Variants in TOPAZ1 observed in about 807,000 individuals in gnomAD.
TOPAZ1 encodes protein TOPAZ1.
Under a neutral mutation model 172.2 loss-of-function variants are expected in TOPAZ1, and 66 were observed. The ratio of observed to expected loss-of-function variants is 0.38; its 90% CI spans 0.31 to 0.47. The LOEUF (loss-of-function observed/expected upper bound fraction) is 0.47, where lower values mean the gene tolerates loss of function less well. Among genes scored for constraint, TOPAZ1 ranks in the 20% least tolerant of loss-of-function variants. The pLI, the probability that TOPAZ1 is intolerant of heterozygous loss-of-function variation, is 0.99. For synonymous variants in TOPAZ1, 681 were observed against 683.9 expected (o/e 1.00, Z 0.07); for missense variants, 1,822 against 1,972.4 (o/e 0.92, Z 1.44).
chr3:44,329,559 A>AT (rs1289224343), intron 19 of TOPAZ1, among the ~76,000 whole-genome samples: 1 of 152,182 alleles, frequency 6.6e-6, no homozygotes, highest in African/African-American at 2.4e-5. Context: ...AGAGTCTGAG[A>AT]TTTTACCCTA....
chr3:44,255,662 A>AAT (rs1553645451), intron 3 of TOPAZ1, among the ~76,000 whole-genome samples: 39 of 80,006 alleles, frequency 4.9e-4, no homozygotes, highest in African/African-American at 1.2e-3. Flanking sequence ...AAAAAAAAAA[A>AAT]ATATATATAC....
chr3:44,315,955 C>T (rs1314178840), intron 16 of TOPAZ1, among the ~76,000 whole-genome samples: 4 of 151,962 alleles, frequency 2.6e-5, no homozygotes, highest in African/African-American at 9.7e-5. Context: ...ACATTTAAGG[C>T]CAGGCACAGT....
chr3:44,269,851 C>T (rs559897162), intron 7 of TOPAZ1, among the ~76,000 whole-genome samples: 23 of 152,196 alleles, frequency 1.5e-4, no homozygotes, highest in African/African-American at 4.3e-4. Flanking sequence ...AGGCTGGTCT[C>T]GAACTCCTGA....
intron 9 of TOPAZ1, among the ~76,000 whole-genome samples, 187 bp from the exon 10 acceptor site, chr3:44,287,202 A>G (rs1040383978): frequency 2.6e-5 from 4 of 152,178 alleles, no homozygotes; most frequent in African/African-American, 4.8e-5. Context: ...GTTGACTTCA[A>G]ATATTATTGC....
intron 4 of TOPAZ1, 120 bp from the exon 5 acceptor site, chr3:44,262,299 G>A (rs896743948): frequency 2.5e-6 from 1 of 403,480 alleles, no homozygotes; most frequent in Non-Finnish European, 4.5e-6. Flanking sequence ...TTAGGGATTG[G>A]CCATAAACTA....
Position 44,243,906 on chromosome 3 carries a change from C to CA in TOPAZ1, c.1401dup (p.Arg468ThrfsTer9). On this transcript the variant is annotated frameshift_variant, in exon 2 of 20. Coordinates refer to ENST00000309765, the MANE Select transcript of TOPAZ1 (RefSeq NM_001145030.2). LOFTEE classifies it high-confidence loss of function. Reference sequence around the variant, plus strand: ...GAGTACCATATTGAAAGGAGATCTTCACGGGAAGACTTAAGAAGTGCATCT... The same window carrying CA: ...GAGTACCATATTGAAAGGAGATCTTCAACGGGAAGACTTAAGAAGTGCATCT... 1.3e-6 allele frequency: 2 copies of CA among 1,552,222 alleles called. No homozygotes were observed. The highest frequency in any genetic ancestry group is 1.7e-6 in the Non-Finnish European group (2 of 1,147,072).
At chr3:44,305,752 T>C (rs1285786432) in intron 14 of TOPAZ1, among the ~76,000 whole-genome samples, 1 of 152,080 alleles carries the variant, frequency 6.6e-6, no homozygotes, top group Non-Finnish European at 1.5e-5. Flanking sequence ...ATTTTCCATG[T>C]TGTGGATAAA....
chr3:44,299,217 A>G (rs1399291975), intron 12 of TOPAZ1, among the ~76,000 whole-genome samples: 1 of 151,856 alleles, frequency 6.6e-6, no homozygotes, highest in Admixed American at 6.6e-5. Flanking sequence ...CACCGTGCCC[A>G]GCTGAGAATA....
chr3:44,253,343 G>T (rs1028751491), intron 2 of TOPAZ1, among the ~76,000 whole-genome samples: 3 of 152,202 alleles, frequency 2.0e-5, no homozygotes, highest in Non-Finnish European at 2.9e-5. Context: ...AATCATTATA[G>T]CTCTGGTGTG....
At chr3:44,265,622 T>C (rs913409214) in intron 5 of TOPAZ1, among the ~76,000 whole-genome samples, 1 of 152,212 alleles carries the variant, frequency 6.6e-6, no homozygotes, top group Admixed American at 6.5e-5. Flanking sequence ...AGTTCTTGGG[T>C]GACAAGATAC....
chr3:44,291,650 T>G (rs1179939973), intron 12 of TOPAZ1, among the ~76,000 whole-genome samples: 1 of 143,798 alleles, frequency 7.0e-6, no homozygotes, highest in African/African-American at 2.6e-5. Context: ...ATTATACAAG[T>G]GGTACCATAA....
intron 8 of TOPAZ1, 30 bp from the exon 9 acceptor site, chr3:44,281,938 G>T (rs1355062498): frequency 1.4e-6 from 2 of 1,383,404 alleles, no homozygotes; most frequent in Admixed American, 2.1e-5. Flanking sequence ...TTTAAAAAAG[G>T]TAGTTTTACA....
intron 16 of TOPAZ1, among the ~76,000 whole-genome samples, chr3:44,316,803 T>A (rs1369995871): frequency 6.6e-6 from 1 of 152,210 alleles, no homozygotes; most frequent in Non-Finnish European, 1.5e-5. Flanking sequence ...CCCCAAAATG[T>A]TTTCCCATTT....
At chr3:44,297,817 A>G (rs539491160) in intron 12 of TOPAZ1, among the ~76,000 whole-genome samples, 14 of 152,288 alleles carry the variant, frequency 9.2e-5, no homozygotes, top group Admixed American at 4.6e-4. Flanking sequence ...CAACACAAAA[A>G]TCAACCATAT....
intron 3 of TOPAZ1, 25 bp downstream of exon 3, chr3:44,255,054 T>C (rs750098877): frequency 6.5e-7 from 1 of 1,528,318 alleles, no homozygotes; most frequent in Non-Finnish European, 8.9e-7. Flanking sequence ...TTTCAGAATA[T>C]GCAATATTGA....
intron 3 of TOPAZ1, among the ~76,000 whole-genome samples, 162 bp downstream of exon 3, chr3:44,255,191 T>A (rs2125679879): frequency 6.6e-6 from 1 of 152,328 alleles, no homozygotes; most frequent in Middle Eastern, 3.4e-3. Context: ...AATTGACTGG[T>A]TGGAAGATCA....
At chr3:44,290,984 A>G in intron 12 of TOPAZ1, 98 bp downstream of exon 12, 4 of 722,996 alleles carry the variant, frequency 5.5e-6, no homozygotes, top group Non-Finnish European at 8.9e-6. Flanking sequence ...TGTATGCCCA[A>G]ACATTTAGAT....
chr3:44,307,109 G>A (rs1004273442), intron 15 of TOPAZ1, among the ~76,000 whole-genome samples: 10 of 152,014 alleles, frequency 6.6e-5, no homozygotes, highest in East Asian at 1.9e-4. Flanking sequence ...CACAGCCTCC[G>A]CCTCCCAGGT....
chr3:44,298,909 A>ATATATTTTTTTTTTT (rs1287571186), intron 12 of TOPAZ1, among the ~76,000 whole-genome samples: 1 of 41,312 alleles, frequency 2.4e-5, no homozygotes, highest in Non-Finnish European at 4.3e-5. Context: ...ATATATATAT[A>ATATATTTTTTTTTTT]TTTTTTTTTT....
Sources: gnomAD v4.1 joint callset for allele counts (sites outside exome capture counted in the v4.1 genomes callset) on GRCh38, gnomAD v4.1.1 for gene constraint, MANE v1.5 for transcripts, NCBI Gene and HGNC (gene_info 2026-07-23, HGNC 2026-07-21) for gene names.